The following MECOM variants were observed in gnomAD, a reference collection of about 807,000 sequenced individuals.
MECOM encodes the protein MDS1 and EVI1 complex locus, also known as histone-lysine N-methyltransferase MECOM.
In MECOM, 13 loss-of-function variants were observed where a neutral mutation model predicts 116.3. The ratio of observed to expected loss-of-function variants is 0.11; its 90% CI spans 0.07 to 0.18. The LOEUF (loss-of-function observed/expected upper bound fraction) is 0.18. MECOM is among the 10% of genes least tolerant of loss of function. The probability of loss-of-function intolerance (pLI) is 1.00; values close to 1 mark genes in which losing one functional copy is unlikely to be tolerated. For missense variants in MECOM, 1,299 were observed against 1,509.0 expected (o/e 0.86, Z 2.31); for synonymous variants, 528 against 535.2 (o/e 0.99, Z 0.19).
At chr3:169,234,505 A>C (rs1753789608) in intron 2 of MECOM, among the ~76,000 whole-genome samples, 1 of 152,108 alleles carries the variant, frequency 6.6e-6, no homozygotes, top group Non-Finnish European at 1.5e-5. Context: ...AAAAGAAAGA[A>C]GGGAAAAAAG....
intron 2 of MECOM, among the ~76,000 whole-genome samples, chr3:169,200,447 T>C (rs1232840910): frequency 6.6e-6 from 1 of 152,090 alleles, no homozygotes; most frequent in Non-Finnish European, 1.5e-5. Flanking sequence ...GGGAGGTTTT[T>C]TAACAAGATC....
intron 12 of MECOM, among the ~76,000 whole-genome samples, chr3:169,099,225 C>A (rs1181722092): frequency 1.3e-5 from 2 of 151,594 alleles, no homozygotes; most frequent in African/African-American, 4.8e-5. Flanking sequence ...AATAATAGAG[C>A]CATTATTGGG....
Position 169,663,571 on chromosome 3 carries a change from ACACT to A in MECOM, c.-203_-200del, listed in dbSNP as rs1776624092. ...TCTCCTGTTTCTCTCTCTCTTCCACACACTCACTCTCTGTATTTTCTTCTTTCAC... is the reference window on the plus strand; with the variant it reads ...TCTCCTGTTTCTCTCTCTCTTCCACACACTCTCTGTATTTTCTTCTTTCAC... On this transcript the variant is annotated 5_prime_UTR_variant, in exon 1 of 17. Coordinates refer to ENST00000651503, the MANE Select transcript of MECOM (RefSeq NM_004991.4). 1 of 582,980 alleles carries A rather than the reference ACACT, an allele frequency of 1.7e-6. No homozygotes were observed. 36.1% of individuals were successfully genotyped at this position (582,980 alleles called of 1,614,324 possible).
chr3:169,617,917 T>C (rs1770222065), intron 1 of MECOM, among the ~76,000 whole-genome samples: 1 of 152,182 alleles, frequency 6.6e-6, no homozygotes, highest in African/African-American at 2.4e-5. Flanking sequence ...GTCTCCCCTC[T>C]CCTGTCTCAG....
chr3:169,521,018 A>G (rs1271646139), intron 1 of MECOM, among the ~76,000 whole-genome samples: 1 of 152,240 alleles, frequency 6.6e-6, no homozygotes, highest in Non-Finnish European at 1.5e-5. Context: ...ATGAAGCTCA[A>G]TAAATGGGAA....
rs539873617 is a variant in MECOM at position 169,097,817 on chromosome 3, T to TAA, written c.2850-2574_2850-2573dup. Among the ~76,000 whole-genome samples the TAA allele has an allele frequency of 5.5e-4, 48 of 87,180 alleles. 4 individuals are homozygous for TAA. The highest frequency in any genetic ancestry group is 7.9e-4 in the African/African-American group (20 of 25,388). 57.2% of individuals were successfully genotyped at this position (87,180 alleles called of 152,430 possible). On this transcript the variant is annotated intron_variant, in intron 12 of 16. Coordinates refer to ENST00000651503, the MANE Select transcript of MECOM (RefSeq NM_004991.4). ...AACAGAGTGAGACCTACTGTCTATA[T>TAA]AAAAAAAAAAAAAAAAAAAAAAAGG...
At chr3:169,333,491 C>A (rs970628159) in intron 2 of MECOM, among the ~76,000 whole-genome samples, 1 of 152,050 alleles carries the variant, frequency 6.6e-6, no homozygotes, top group African/African-American at 2.4e-5. Context: ...CCAATTTGAT[C>A]TCTTCTTATT....
At chr3:169,500,486 A>C (rs1754393548) in intron 1 of MECOM, among the ~76,000 whole-genome samples, 1 of 152,054 alleles carries the variant, frequency 6.6e-6, no homozygotes, top group Admixed American at 6.6e-5. Context: ...TAACATTAGA[A>C]TTTTGAATAC....
chr3:169,568,218 C>T (rs1208020385), intron 1 of MECOM, among the ~76,000 whole-genome samples: 2 of 152,214 alleles, frequency 1.3e-5, no homozygotes, highest in Non-Finnish European at 2.9e-5. Context: ...ACTGTCTTCA[C>T]AACCCGCAGA....
intron 2 of MECOM, among the ~76,000 whole-genome samples, chr3:169,286,223 C>T (rs1713283953): frequency 6.6e-6 from 1 of 152,122 alleles, no homozygotes; most frequent in South Asian, 2.1e-4. Context: ...ATTTCTTGAA[C>T]TAAGTTCTCT....
At chr3:169,429,038 G>A (rs1372150728) in intron 1 of MECOM, among the ~76,000 whole-genome samples, 1 of 152,156 alleles carries the variant, frequency 6.6e-6, no homozygotes, top group Non-Finnish European at 1.5e-5. Flanking sequence ...GGAACAATAG[G>A]CAGAATATAA....
chr3:169,226,016 T>C (rs1198888001), intron 2 of MECOM, among the ~76,000 whole-genome samples: 2 of 152,186 alleles, frequency 1.3e-5, no homozygotes, highest in African/African-American at 4.8e-5. Context: ...AGCAAAGGAC[T>C]CCTTATTTTA....
chr3:169,142,464 T>C (rs1019937185), intron 3 of MECOM, among the ~76,000 whole-genome samples: 9 of 151,998 alleles, frequency 5.9e-5, no homozygotes, highest in Non-Finnish European at 7.4e-5. Context: ...CTGTTGTTGA[T>C]GGCGACAGTA....
At chr3:169,547,944 G>A (rs1241393920) in intron 1 of MECOM, among the ~76,000 whole-genome samples, 2 of 152,094 alleles carry the variant, frequency 1.3e-5, no homozygotes, top group African/African-American at 2.4e-5. Flanking sequence ...CTCCAGGAGG[G>A]AACAAACTCT....
rs548041280 is a variant in MECOM at position 169,106,306 on chromosome 3, A to T, written c.2604+1620T>A. On this transcript the variant is annotated intron_variant, in intron 10 of 16. Transcript: ENST00000651503. ...TATGAAATCACTTAGTTTTTTCTTT[A>T]TTTTTGTGAGTACATTGTAGGTGTA... is the stretch of plus-strand genomic sequence containing the variant. Among the ~76,000 whole-genome samples, 3 of 152,112 alleles carry T rather than the reference A, an allele frequency of 2.0e-5. No individual in the cohort carries two copies. The South Asian group carries it at 6.2e-4, about 32-fold the overall frequency.
At chr3:169,336,392 A>G (rs904732996) in intron 2 of MECOM, among the ~76,000 whole-genome samples, 1 of 151,958 alleles carries the variant, frequency 6.6e-6, no homozygotes, top group Admixed American at 6.6e-5. Context: ...GGCCTACAGG[A>G]AAAAAAATTT....
chr3:169,232,701 C>T (rs1325823482), intron 2 of MECOM, among the ~76,000 whole-genome samples: 1 of 151,816 alleles, frequency 6.6e-6, no homozygotes, highest in Non-Finnish European at 1.5e-5. Context: ...GTAAACTATG[C>T]TTGTGGTGCA....
intron 2 of MECOM, among the ~76,000 whole-genome samples, chr3:169,325,036 T>C (rs1001065169): frequency 4.6e-5 from 7 of 152,260 alleles, no homozygotes; most frequent in Middle Eastern, 6.8e-3. Flanking sequence ...AAATCTAGGA[T>C]GATCAAAACC....
At chr3:169,259,237 TG>T (rs1301050106) in intron 2 of MECOM, among the ~76,000 whole-genome samples, 1 of 152,316 alleles carries the variant, frequency 6.6e-6, no homozygotes, top group East Asian at 1.9e-4. Context: ...AAAAACAATT[TG>T]GGTTGTCCTA....
Sources: allele counts gnomAD v4.1 joint callset (sites outside exome capture counted in the v4.1 genomes callset), GRCh38; gene constraint gnomAD v4.1.1; transcripts MANE v1.5; gene names NCBI Gene and HGNC (gene_info 2026-07-23, HGNC 2026-07-21).